MAPK14: variants seen among roughly 807,000 people sequenced by gnomAD.
MAPK14 encodes CSAID-binding protein.
A neutral mutation model predicts 49.6 loss-of-function variants in MAPK14; 16 were observed. That is an observed-to-expected ratio of 0.32 (90% CI 0.22 to 0.49). MAPK14 has a LOEUF of 0.49. Ranked by LOEUF, MAPK14 falls within the 20% of genes least tolerant of loss-of-function variation. The probability of loss-of-function intolerance (pLI) is 0.99; values close to 1 mark genes in which losing one functional copy is unlikely to be tolerated. For synonymous variants in MAPK14, 142 were observed against 158.0 expected, an observed-to-expected ratio of 0.90 and a Z score of 0.76; for missense variants, 200 against 441.2, an observed-to-expected ratio of 0.45 and a Z score of 4.90.
At chr6:36,085,441 GACAT>G (rs1764941957) in intron 8 of MAPK14, among the ~76,000 whole-genome samples, 1 of 152,122 alleles carries the variant, frequency 6.6e-6, no homozygotes, top group South Asian at 2.1e-4. Flanking sequence ...AACATGCAAA[GACAT>G]ACAAAGGCTC....
At chr6:36,048,981 G>GAAGCAGCAC (rs981186122) in intron 1 of MAPK14, among the ~76,000 whole-genome samples, 1 of 152,230 alleles carries the variant, frequency 6.6e-6, no homozygotes, top group African/African-American at 2.4e-5. Context: ...AGTTTGAGTA[G>GAAGCAGCAC]AAGCAGCACA....
chr6:36,078,658 G>T (rs953375613), intron 8 of MAPK14, among the ~76,000 whole-genome samples: 2 of 152,112 alleles, frequency 1.3e-5, no homozygotes, highest in African/African-American at 2.4e-5. Flanking sequence ...TAATACATGA[G>T]AATTCATTTC....
At chr6:36,060,926 GA>G (rs933554299) in intron 3 of MAPK14, among the ~76,000 whole-genome samples, 15 of 151,980 alleles carry the variant, frequency 9.9e-5, no homozygotes, top group African/African-American at 3.4e-4. Flanking sequence ...AGAAACAAAG[GA>G]AAAAAATAGC....
At chr6:36,075,693 TCTAAGTATGGA>T (rs1764503507) in intron 6 of MAPK14, 144 bp from the exon 7 acceptor site, 3 of 969,772 alleles carry the variant, frequency 3.1e-6, no homozygotes, top group South Asian at 2.9e-5. Context: ...TACCATACAT[TCTAAGTATGGA>T]CCAGGAAATC....
In MAPK14 at chr6:36,076,725, G is replaced by C. The variant is rs561968074; in HGVS notation, c.682+117G>C. ...CTCAGTATTTTGCTTTTATAGTCTAGATAATGCATTATGAGGTCTTTCTTC... is the reference window on the plus strand; with the variant it reads ...CTCAGTATTTTGCTTTTATAGTCTACATAATGCATTATGAGGTCTTTCTTC... On this transcript the variant is annotated intron_variant, in intron 8 of 11. Transcript: ENST00000229794. 2.2e-5 allele frequency: 14 copies of C among 644,704 alleles called. No individual in the cohort carries two copies. The South Asian group carries it at 3.2e-4, about 15-fold the overall frequency. 39.9% of individuals were successfully genotyped at this position (644,704 alleles called of 1,614,324 possible).
downstream of MAPK14, among the ~76,000 whole-genome samples, chr6:36,113,818 A>G (rs920187691): frequency 6.6e-5 from 10 of 152,148 alleles, no homozygotes; most frequent in Admixed American, 2.6e-4. Context: ...CTCAAATTTC[A>G]GTTTTGCCAG....
At chr6:36,071,836 T>G (rs1764287740) in intron 3 of MAPK14, among the ~76,000 whole-genome samples, 1 of 152,198 alleles carries the variant, frequency 6.6e-6, no homozygotes, top group South Asian at 2.1e-4. Context: ...ACATGTATCT[T>G]TCTAATCCCT....
intron 1 of MAPK14, among the ~76,000 whole-genome samples, chr6:36,052,126 G>T (rs1041301708): frequency 6.6e-6 from 1 of 151,970 alleles, no homozygotes; most frequent in Non-Finnish European, 1.5e-5. Context: ...TTCCCTGAAG[G>T]TGCCAAGTAC....
intron 10 of MAPK14, chr6:36,102,850 C>A: frequency 1.2e-6 from 1 of 843,468 alleles, no homozygotes. Flanking sequence ...TTTAAATGAT[C>A]ACAGAACTTG....
At chr6:36,103,499 C>G (rs1312366896) in intron 10 of MAPK14, among the ~76,000 whole-genome samples, 2 of 152,062 alleles carry the variant, frequency 1.3e-5, no homozygotes, top group African/African-American at 4.8e-5. Flanking sequence ...ATCCCCAAGC[C>G]TGGCTAATTT....
chr6:36,065,269 A>G lies in MAPK14; in HGVS notation c.305+5922A>G, dbSNP rs73407875. ...TTCTTCGTTGCTGAATCATTATTGG[A>G]GTATATGCACTCCATTGTTTGTTAA... On this transcript the variant is annotated intron_variant, in intron 3 of 11. Coordinates refer to ENST00000229794, the MANE Select transcript of MAPK14 (RefSeq NM_139012.3). 3.6e-3 allele frequency among the ~76,000 whole-genome samples: 553 copies of G among 152,242 alleles called. 6 individuals are homozygous for G. The highest frequency in any genetic ancestry group is 0.012 in the African/African-American group (497 of 41,534).
intron 1 of MAPK14, among the ~76,000 whole-genome samples, chr6:36,043,115 C>T (rs1763030702): frequency 6.7e-6 from 1 of 149,506 alleles, no homozygotes; most frequent in Non-Finnish European, 1.5e-5. Flanking sequence ...CAGAGCAAGA[C>T]CCCGTCTCAA....
At chr6:36,076,997 T>G (rs1764556612) in intron 8 of MAPK14, 1 of 158,632 alleles carries the variant, frequency 6.3e-6, no homozygotes, top group Non-Finnish European at 1.4e-5. Flanking sequence ...GAAGGGCATC[T>G]TGCTGTTATG....
chr6:36,119,559 A>G, the MAPK14 span, among the ~76,000 whole-genome samples: 1 of 152,346 alleles, frequency 6.6e-6, no homozygotes, highest in South Asian at 2.1e-4. Context: ...GTATGTATTC[A>G]TGCAATGAAA....
At chr6:36,096,452 C>T (rs1765449399) in intron 9 of MAPK14, 1 of 170,724 alleles carries the variant, frequency 5.9e-6, no homozygotes, top group East Asian at 1.6e-4. Context: ...GCTCTTTTCA[C>T]TGTTTCTAGT....
chr6:36,080,037 G>T (rs1257115367), intron 8 of MAPK14, among the ~76,000 whole-genome samples: 2 of 151,570 alleles, frequency 1.3e-5, no homozygotes, highest in Admixed American at 1.3e-4. Context: ...TCCGCCTCCC[G>T]GGCTCAAGCG....
rs1477451084 is a variant in MAPK14, at chr6:36,028,862, A to G, written c.116+589A>G. Among the ~76,000 whole-genome samples, 1 of 136,012 alleles carries G rather than the reference A, an allele frequency of 7.4e-6. No homozygotes were observed. Among genetic ancestry groups the G allele is most frequent in the Non-Finnish European group, 1.5e-5 (1 of 65,544 alleles). 89.2% of individuals were successfully genotyped at this position (136,012 alleles called of 152,430 possible). ...TGAAAAGCGTTCTTTTTGAATTCGC[A>G]CTTGAATTAACAGCGATCCATAGAG... On this transcript the variant is annotated intron_variant, in intron 1 of 11. Coordinates refer to ENST00000229794, the MANE Select transcript of MAPK14 (RefSeq NM_139012.3). The surrounding 1 kb of genome is among the most constrained non-coding windows in gnomAD (Gnocchi z 5.1).
At chr6:36,042,891 A>C (rs532443850) in intron 1 of MAPK14, among the ~76,000 whole-genome samples, 2 of 147,802 alleles carry the variant, frequency 1.4e-5, no homozygotes, top group South Asian at 4.2e-4. Flanking sequence ...AGGCAGGTGA[A>C]TTACTTGAGC....
chr6:36,065,776 TA>T (rs1764031152), intron 3 of MAPK14, among the ~76,000 whole-genome samples: 1 of 152,128 alleles, frequency 6.6e-6, no homozygotes, highest in Admixed American at 6.5e-5. Context: ...ACACATTCCA[TA>T]GTGTGTGATA....
Sources: allele counts gnomAD v4.1 joint callset (sites outside exome capture counted in the v4.1 genomes callset), GRCh38; gene constraint gnomAD v4.1.1; non-coding constraint Gnocchi (gnomAD v3.1); transcripts MANE v1.5; gene names NCBI Gene and HGNC (gene_info 2026-07-23, HGNC 2026-07-21).